RHPN2: variants seen among roughly 807,000 people sequenced by gnomAD.
RHPN2 encodes rhophilin-2.
RHPN2 carries 40 observed loss-of-function variants against 79.0 expected under a neutral mutation model. That is an observed-to-expected ratio of 0.51 (90% CI 0.39 to 0.66). The LOEUF (loss-of-function observed/expected upper bound fraction) is 0.66. RHPN2 is among the 30% of genes least tolerant of loss of function. The probability of loss-of-function intolerance (pLI) is 0.00; values close to 1 mark genes in which losing one functional copy is unlikely to be tolerated. For missense variants in RHPN2, 686 were observed against 883.5 expected (o/e 0.78, Z 2.83); for synonymous variants, 285 against 363.5 (o/e 0.78, Z 2.46).
At chr19:32,988,449 T>C (rs1450602121) in intron 14 of RHPN2, among the ~76,000 whole-genome samples, 1 of 152,110 alleles carries the variant, frequency 6.6e-6, no homozygotes, top group Non-Finnish European at 1.5e-5. Flanking sequence ...CAGCCACTAA[T>C]GTCACCAGCC....
At chr19:33,040,303 C>T (rs1427677111) in intron 2 of RHPN2, among the ~76,000 whole-genome samples, 1 of 137,482 alleles carries the variant, frequency 7.3e-6, no homozygotes, top group Non-Finnish European at 1.5e-5. Context: ...GTAGCGCGAT[C>T]TCAGCTCACT....
chr19:33,034,161 CA>C (rs1972035631), intron 2 of RHPN2, among the ~76,000 whole-genome samples: 1 of 143,214 alleles, frequency 7.0e-6, no homozygotes, highest in South Asian at 2.6e-4. Flanking sequence ...CCCGGCCTGG[CA>C]ACAATTTTTG....
In RHPN2 at chr19:32,978,917, G is replaced by A. The variant is rs1209586054; in HGVS notation, c.*1079C>T. On this transcript the variant is annotated 3_prime_UTR_variant, in exon 15 of 15. Transcript: ENST00000254260. ...AATCCCAGCACTTTGGGAGGCTGAGGTGGGTGGATCATTTGAGGTCAGGAT... is the reference window on the plus strand; with the variant it reads ...AATCCCAGCACTTTGGGAGGCTGAGATGGGTGGATCATTTGAGGTCAGGAT... The A allele has an allele frequency of 6.6e-6, 1 of 152,226 alleles. No homozygotes were observed. The highest frequency in any genetic ancestry group is 2.4e-5 in the African/African-American group (1 of 41,456). 9.4% of individuals were successfully genotyped at this position (152,226 alleles called of 1,614,324 possible).
chr19:33,010,475 C>T (rs1324247785), intron 6 of RHPN2, among the ~76,000 whole-genome samples: 2 of 151,496 alleles, frequency 1.3e-5, no homozygotes, highest in African/African-American at 2.4e-5. Flanking sequence ...CTCTGCCTCC[C>T]GGGTTCAGGC....
At chr19:33,024,111 C>T (rs1200140969) in intron 3 of RHPN2, among the ~76,000 whole-genome samples, 2 of 152,160 alleles carry the variant, frequency 1.3e-5, no homozygotes, top group Non-Finnish European at 2.9e-5. Flanking sequence ...GGAGAACCTT[C>T]CATTAGCTGT....
chr19:32,999,295 C>T (rs764426847), intron 10 of RHPN2, among the ~76,000 whole-genome samples: 2 of 152,120 alleles, frequency 1.3e-5, no homozygotes, highest in Non-Finnish European at 2.9e-5. Context: ...CAACAAACGT[C>T]TCCTTCCCTG....
intron 14 of RHPN2, among the ~76,000 whole-genome samples, chr19:32,982,774 T>C (rs1199630106): frequency 6.6e-6 from 1 of 152,046 alleles, no homozygotes; most frequent in Non-Finnish European, 1.5e-5. Flanking sequence ...AGGTTGTGCG[T>C]TGCTGGAGGA....
intron 2 of RHPN2, among the ~76,000 whole-genome samples, chr19:33,035,367 G>T (rs1223981830): frequency 6.6e-6 from 1 of 152,172 alleles, no homozygotes; most frequent in Non-Finnish European, 1.5e-5. Context: ...CTCCCAAAGT[G>T]CTGGGATTAC....
chr19:33,049,401 C>T (rs1972169509), intron 1 of RHPN2, among the ~76,000 whole-genome samples: 1 of 152,150 alleles, frequency 6.6e-6, no homozygotes, highest in Admixed American at 6.6e-5. Flanking sequence ...CCAGAATAGC[C>T]TCTGCAACTC....
chr19:33,011,655 C>G, intron 6 of RHPN2, 24 bp downstream of exon 6: 1 of 1,613,934 alleles, frequency 6.2e-7, no homozygotes, highest in African/African-American at 1.3e-5. Context: ...ACGTGAAGCG[C>G]CAGCGCAGAC....
chr19:33,056,926 G>A (rs1021671797), intron 1 of RHPN2, among the ~76,000 whole-genome samples: 1 of 150,116 alleles, frequency 6.7e-6, no homozygotes, highest in African/African-American at 2.5e-5. Context: ...TGGCTAACAT[G>A]GTGAAACCCC....
intron 2 of RHPN2, among the ~76,000 whole-genome samples, chr19:33,031,754 T>C (rs1972013953): frequency 6.6e-6 from 1 of 152,042 alleles, no homozygotes; most frequent in Non-Finnish European, 1.5e-5. Flanking sequence ...TGATCTTGGC[T>C]CACTGCATGC....
rs146943944 is a variant in RHPN2 at position 33,052,872 on chromosome 19, A to G, written c.70-8508T>C. ...GGAGGGGGGCTCGATATGAGTCAACACAGCCATAATCTTTAGTTACGAGCT... is the reference window on the plus strand; with the variant it reads ...GGAGGGGGGCTCGATATGAGTCAACGCAGCCATAATCTTTAGTTACGAGCT... On this transcript the variant is annotated intron_variant, in intron 1 of 14. Transcript: ENST00000254260. 4.2e-3 allele frequency among the ~76,000 whole-genome samples: 638 copies of G among 152,248 alleles called. 6 individuals are homozygous for G. Among genetic ancestry groups the G allele is most frequent in the African/African-American group, 0.014 (596 of 41,546 alleles).
In RHPN2 at chr19:32,996,238, C is replaced by A; in HGVS notation, c.1226-18G>T. On this transcript the variant is annotated intron_variant, in intron 10 of 14. Coordinates refer to ENST00000254260, the MANE Select transcript of RHPN2 (RefSeq NM_033103.5). ...GGACTTCCCTGCAGACGGAAGCCAG[C>A]ACCCACGTGACTTGCAGATCCACCA... 1 of 1,614,000 alleles carries A rather than the reference C, an allele frequency of 6.2e-7. No homozygotes were observed. Among genetic ancestry groups the A allele is most frequent in the East Asian group, 2.2e-5 (1 of 44,876 alleles).
In RHPN2 at chr19:32,994,501, C is replaced by G. The variant is rs1314114918; in HGVS notation, c.1421-448G>C. On this transcript the variant is annotated intron_variant, in intron 11 of 14. Transcript: ENST00000254260. ...TAGCAGAAGAAGATGGAACAGAGCTCAACCCCCGACCTAGGGTGAACTGTA... is the reference window on the plus strand; with the variant it reads ...TAGCAGAAGAAGATGGAACAGAGCTGAACCCCCGACCTAGGGTGAACTGTA... 3.9e-5 allele frequency among the ~76,000 whole-genome samples: 6 copies of G among 152,246 alleles called. No individual in the cohort carries two copies. The East Asian group carries it at 1.2e-3, about 29-fold the overall frequency.
chr19:33,034,095 C>A (rs1357225170), intron 2 of RHPN2, among the ~76,000 whole-genome samples: 1 of 151,228 alleles, frequency 6.6e-6, no homozygotes, highest in Non-Finnish European at 1.5e-5. Flanking sequence ...TAAGACAAAG[C>A]AATCCTCTTG....
chr19:33,063,072 G>C (rs574959952), intron 1 of RHPN2, among the ~76,000 whole-genome samples: 4 of 152,062 alleles, frequency 2.6e-5, no homozygotes, highest in African/African-American at 7.2e-5. Flanking sequence ...AGCAACTTGC[G>C]GGAGGCCACA....
At chr19:33,054,769 G>C (rs1037985166) in intron 1 of RHPN2, among the ~76,000 whole-genome samples, 1 of 152,258 alleles carries the variant, frequency 6.6e-6, no homozygotes, top group African/African-American at 2.4e-5. Context: ...AGCCAAAGGA[G>C]GAAGTGTTGA....
chr19:33,048,724 T>TAAAAAAAAAA (rs1824354572), intron 1 of RHPN2, among the ~76,000 whole-genome samples: 2 of 30,716 alleles, frequency 6.5e-5, no homozygotes, highest in African/African-American at 1.7e-3. Context: ...AGACTCAGTC[T>TAAAAAAAAAA]CAAAAAAAAA....
Sources: gnomAD v4.1 joint callset for allele counts (sites outside exome capture counted in the v4.1 genomes callset) on GRCh38, gnomAD v4.1.1 for gene constraint, MANE v1.5 for transcripts, NCBI Gene and HGNC (gene_info 2026-07-23, HGNC 2026-07-21) for gene names.